BLOC1S1: variants seen among roughly 807,000 people sequenced by gnomAD.
BLOC1S1 encodes the protein biogenesis of lysosomal organelles complex 1 subunit 1, also known as biogenesis of lysosome-related organelles complex 1 subunit 1.
In BLOC1S1, 11 loss-of-function variants were observed where a neutral mutation model predicts 19.0. The ratio of observed to expected loss-of-function variants is 0.58; its 90% CI spans 0.37 to 0.96. BLOC1S1 has a LOEUF of 0.96. Ranked by LOEUF, BLOC1S1 falls within the 40% of genes least tolerant of loss-of-function variation. BLOC1S1 has a pLI of 0.01. For synonymous variants in BLOC1S1, 94 were observed against 76.4 expected, an observed-to-expected ratio of 1.23 and a Z score of -1.20; for missense variants, 220 against 195.9, an observed-to-expected ratio of 1.12 and a Z score of -0.73.
At chr12:55,716,733 T>C in intron 1 of BLOC1S1, 200 bp from the exon 2 acceptor site, 10 of 1,290,976 alleles carry the variant, frequency 7.7e-6, no homozygotes, top group Non-Finnish European at 9.9e-6. Flanking sequence ...TCCATTTCCC[T>C]CCCAGGGTAC....
intron 1 of BLOC1S1, chr12:55,716,668 C>G: frequency 7.7e-7 from 1 of 1,292,790 alleles, no homozygotes; most frequent in Non-Finnish European, 9.8e-7. Context: ...GAAAGAGTGC[C>G]TGGGAGTCAG....
chr12:55,716,478 C>A, intron 1 of BLOC1S1: 1 of 1,299,028 alleles, frequency 7.7e-7, no homozygotes, highest in South Asian at 1.8e-5. Flanking sequence ...TGCCTATTGG[C>A]CCTGGGAGCC....
At chr12:55,719,407 T>G in intron 3 of BLOC1S1, 92 bp from the exon 4 acceptor site, 1 of 1,461,370 alleles carries the variant, frequency 6.8e-7, no homozygotes, top group Non-Finnish European at 9.6e-7. Flanking sequence ...TAAAGCCTTT[T>G]CCAGGAGATG....
Position 55,716,386 on chromosome 12 carries a change from T to TGGGCAATACTCCGGTCCCCTC in BLOC1S1, c.145+193_145+213dup, listed in dbSNP as rs1335716301. On this transcript the variant is annotated intron_variant, in intron 1 of 3. Coordinates refer to ENST00000548925, the MANE Select transcript of BLOC1S1 (RefSeq NM_001487.4). Reference sequence around the variant, plus strand: ...CCCTTGCCAACTGGCTCCGGTCCCTTGGGCAATACTCCGGTCCCCTCGGCA... The same window carrying TGGGCAATACTCCGGTCCCCTC: ...CCCTTGCCAACTGGCTCCGGTCCCTTGGGCAATACTCCGGTCCCCTCGGGCAATACTCCGGTCCCCTCGGCA... 23 of 1,419,286 alleles carry TGGGCAATACTCCGGTCCCCTC rather than the reference T, an allele frequency of 1.6e-5. No individual in the cohort carries two copies. In the East Asian group the frequency reaches 3.5e-4, roughly 22 times the overall value. The allele number at this position is 1,419,286 out of a possible 1,614,324, so 87.9% of individuals were successfully genotyped here. A position where few individuals can be genotyped will look rare whatever the true frequency, so the allele number is the denominator to read the frequency against.
rs1184293887 is a variant in BLOC1S1 at position 55,716,162 on chromosome 12, C to G, written c.111C>G (p.His37Gln). 1 of 1,612,464 alleles carries G rather than the reference C, an allele frequency of 6.2e-7. No homozygotes were observed. Among genetic ancestry groups the G allele is most frequent in the South Asian group, 1.1e-5 (1 of 90,842 alleles). ...VTMLSRLLKE[H>Q]QAKQNERKEL... Reference sequence around the variant, plus strand: ...TGCTGTCCCGCCTCCTAAAAGAACACCAGGCCAAGCAGAATGAACGCAAGG... The same window carrying G: ...TGCTGTCCCGCCTCCTAAAAGAACAGCAGGCCAAGCAGAATGAACGCAAGG... Residue 37 changes from histidine (H) to glutamine (Q), a missense_variant, in exon 1 of 4, where the codon CAC becomes CAG. His to Gln is a conservative substitution (Grantham distance 24). Transcript: ENST00000548925.
intron 2 of BLOC1S1, among the ~76,000 whole-genome samples, chr12:55,718,492 A>G (rs1187296214): frequency 6.7e-6 from 1 of 149,914 alleles, no homozygotes; most frequent in East Asian, 2.0e-4. Context: ...GAGGGAGAGC[A>G]TGTGTGTGTG....
At chr12:55,716,593 G>C in intron 1 of BLOC1S1, 1 of 1,218,254 alleles carries the variant, frequency 8.2e-7, no homozygotes, top group Non-Finnish European at 1.0e-6. Context: ...ACGGAGGTGG[G>C]GCACTTGTTT....
chr12:55,716,463 C>G, intron 1 of BLOC1S1: 2 of 1,321,436 alleles, frequency 1.5e-6, no homozygotes, highest in Non-Finnish European at 1.9e-6. Flanking sequence ...TGCCCCGGAG[C>G]GCCCTGCCTA....
At position 55,719,644 on chromosome 12, in the gene BLOC1S1, C is replaced by T; in HGVS notation, c.*35C>T. On this transcript the variant is annotated 3_prime_UTR_variant, in exon 4 of 4. Transcript: ENST00000548925. Reference sequence around the variant, plus strand: ...CCTCCCCCAACCCTATCCCTCCTACCTCACCCGCAGGGGGAAGGAGGGAGG... The same window carrying T: ...CCTCCCCCAACCCTATCCCTCCTACTTCACCCGCAGGGGGAAGGAGGGAGG... 6.4e-7 allele frequency: 1 copy of T among 1,570,340 alleles called. No homozygotes were observed.
intron 1 of BLOC1S1, chr12:55,716,714 C>T: frequency 2.3e-6 from 3 of 1,306,270 alleles, no homozygotes; most frequent in Non-Finnish European, 2.9e-6. Flanking sequence ...CCTGGCGTCC[C>T]TGAGTGAGTC....
At position 55,716,111 on chromosome 12, in the gene BLOC1S1, A is replaced by T; in HGVS notation, c.60A>T (p.Val20=). ...TCCGGAGCCGGAGGGGGCCCGGCGTACCCAGCCCCCAGCCCGACGTGACCA... is the reference window on the plus strand; with the variant it reads ...TCCGGAGCCGGAGGGGGCCCGGCGTTCCCAGCCCCCAGCCCGACGTGACCA... The part of the protein sequence containing the change: ...SSFRSRRGPG[V]PSPQPDVTML... The change falls in exon 1 of 4, where the codon GTA becomes GTT. Residue 20 remains valine (V), a synonymous_variant. Transcript: ENST00000548925. 3 of 1,605,788 alleles carry T rather than the reference A, an allele frequency of 1.9e-6. No individual in the cohort carries two copies. Among genetic ancestry groups the T allele is most frequent in the Non-Finnish European group, 2.6e-6 (3 of 1,176,302 alleles).
At chr12:55,716,564 G>A in intron 1 of BLOC1S1, 1 of 1,207,478 alleles carries the variant, frequency 8.3e-7, no homozygotes, top group Non-Finnish European at 1.0e-6. Context: ...GGGCTTCTTG[G>A]AGGCCTGAAA....
At chr12:55,716,668 C>T in intron 1 of BLOC1S1, 1 of 1,292,790 alleles carries the variant, frequency 7.7e-7, no homozygotes, top group Non-Finnish European at 9.8e-7. Context: ...GAAAGAGTGC[C>T]TGGGAGTCAG....
intron 2 of BLOC1S1, among the ~76,000 whole-genome samples, chr12:55,718,542 G>T (rs1438995827): frequency 6.6e-6 from 1 of 152,004 alleles, no homozygotes; most frequent in African/African-American, 2.4e-5. Flanking sequence ...TGATCTGTGT[G>T]GGCAAAAGCG....
chr12:55,716,656 G>A, intron 1 of BLOC1S1: 2 of 1,281,000 alleles, frequency 1.6e-6, no homozygotes, highest in Non-Finnish European at 2.0e-6. Flanking sequence ...CCGAGTAGTG[G>A]AGAAAGAGTG....
chr12:55,718,669 C>A (rs1876754371), intron 2 of BLOC1S1, among the ~76,000 whole-genome samples: 1 of 152,084 alleles, frequency 6.6e-6, no homozygotes, highest in African/African-American at 2.4e-5. Context: ...AGGGAGGGGC[C>A]CAATTTCCCT....
chr12:55,719,473 C>T (rs1032241196), intron 3 of BLOC1S1, 26 bp from the exon 4 acceptor site: 4 of 1,601,260 alleles, frequency 2.5e-6, no homozygotes, highest in African/African-American at 1.3e-5. Flanking sequence ...GATTCCTGGG[C>T]TCCCACCTCC....
rs1471012449 is a variant in BLOC1S1, at chr12:55,719,192, G to T, written c.320G>T (p.Gly107Val). Residue 107 changes from glycine (G) to valine (V), a missense_variant, in exon 3 of 4, where the codon GGA becomes GTA. Physicochemically the swap from Gly to Val is moderately radical, Grantham distance 109. Transcript: ENST00000548925. ...QFAKQTGQWIGMVENFNQALK... is the reference protein window; with the variant it reads ...QFAKQTGQWIVMVENFNQALK... ...GCCAAGCAGACAGGCCAGTGGATCG[G>T]AATGGTGGAGAACTTCAACCAGGCA... 1 of 1,613,968 alleles carries T rather than the reference G, an allele frequency of 6.2e-7. No homozygotes were observed. The highest frequency in any genetic ancestry group is 8.5e-7 in the Non-Finnish European group (1 of 1,180,012).
intron 2 of BLOC1S1, 92 bp from the exon 3 acceptor site, chr12:55,718,999 T>A: frequency 6.7e-7 from 1 of 1,490,434 alleles, no homozygotes; most frequent in Non-Finnish European, 9.0e-7. Context: ...CCCTGATTCT[T>A]GGCTGAACTC....
Sources: allele counts gnomAD v4.1 joint callset (sites outside exome capture counted in the v4.1 genomes callset), GRCh38; gene constraint gnomAD v4.1.1; transcripts MANE v1.5; gene names NCBI Gene and HGNC (gene_info 2026-07-23, HGNC 2026-07-21).